NCALD: variants seen among roughly 807,000 people sequenced by gnomAD.
The protein encoded by NCALD is neurocalcin delta.
A neutral mutation model predicts 18.6 loss-of-function variants in NCALD; 10 were observed. The ratio of observed to expected loss-of-function variants is 0.54; its 90% confidence interval spans 0.33 to 0.91. The LOEUF (loss-of-function observed/expected upper bound fraction) is 0.91. NCALD is among the 40% of genes least tolerant of loss of function. The pLI is 0.03. For missense variants in NCALD, 184 were observed against 247.6 expected, an observed-to-expected ratio of 0.74 and a Z score of 1.72; for synonymous variants, 88 against 87.4, an observed-to-expected ratio of 1.01 and a Z score of -0.04.
At position 101,942,239 on chromosome 8, in the gene NCALD, G is replaced by C. The variant is rs142370660; in HGVS notation, c.-156-26381C>G. On this transcript the variant is annotated intron_variant, in intron 2 of 6. Transcript: ENST00000311028. The stretch of plus-strand genomic sequence containing the variant: ...ACAATGAGGAGAGGCAGATGCACTG[G>C]AAGAGTCTTAACCCGTCTGCTGCTG... Among the ~76,000 whole-genome samples, 600 of 152,248 alleles carry C rather than the reference G, an allele frequency of 3.9e-3. 1 individual carries two copies. Among genetic ancestry groups the C allele is most frequent in the Non-Finnish European group, 6.6e-3 (451 of 68,018 alleles).
chr8:102,009,974 G>A (rs4734611), intron 2 of NCALD, among the ~76,000 whole-genome samples: 94,765 of 152,120 alleles, frequency 0.62, 30,905 homozygotes, highest in African/African-American at 0.81. Flanking sequence ...CAGTACTGGG[G>A]AGCACTTGGG....
intron 4 of NCALD, chr8:101,852,784 T>G (rs1161266491): frequency 6.6e-6 from 1 of 152,316 alleles, no homozygotes; most frequent in East Asian, 1.9e-4. Flanking sequence ...GTGCCTAGTC[T>G]AAACAGCTGC....
chr8:101,945,064 G>A (rs1819114807), intron 2 of NCALD, among the ~76,000 whole-genome samples: 1 of 152,234 alleles, frequency 6.6e-6, no homozygotes, highest in Non-Finnish European at 1.5e-5. Context: ...CGTGACATCT[G>A]TTAAGAGGCC....
intron 4 of NCALD, among the ~76,000 whole-genome samples, chr8:101,800,485 TAGAA>T (rs1005055327): frequency 6.6e-6 from 1 of 151,596 alleles, no homozygotes; most frequent in Non-Finnish European, 1.5e-5. Context: ...TAAATAATAA[TAGAA>T]AGAAATGGTA....
chr8:102,123,511 C>A (rs1362238896), intron 1 of NCALD, among the ~76,000 whole-genome samples: 2 of 151,978 alleles, frequency 1.3e-5, no homozygotes, highest in Admixed American at 6.6e-5. Context: ...AGACCTCCTG[C>A]CCCTCCCGGG....
At chr8:102,011,532 G>A (rs1821903341) in intron 2 of NCALD, among the ~76,000 whole-genome samples, 1 of 152,142 alleles carries the variant, frequency 6.6e-6, no homozygotes, top group Non-Finnish European at 1.5e-5. Context: ...ATAAATCTTT[G>A]ATGCAATGAA....
At chr8:101,784,086 C>A (rs1812123724) in intron 1 of NCALD, among the ~76,000 whole-genome samples, 1 of 152,118 alleles carries the variant, frequency 6.6e-6, no homozygotes, top group South Asian at 2.1e-4. Context: ...CATGAAACTG[C>A]AACCTGGGGC....
At chr8:101,939,497 C>A (rs1818878441) in intron 2 of NCALD, among the ~76,000 whole-genome samples, 1 of 152,150 alleles carries the variant, frequency 6.6e-6, no homozygotes, top group African/African-American at 2.4e-5. Flanking sequence ...TTAATTCTTT[C>A]TCTTTATCTG....
chr8:101,985,147 C>T (rs1159636261), intron 2 of NCALD, among the ~76,000 whole-genome samples: 3 of 152,184 alleles, frequency 2.0e-5, no homozygotes, highest in Non-Finnish European at 2.9e-5. Context: ...CGCCATGCTG[C>T]GTGGAAGCCA....
chr8:101,784,931 C>T (rs1812163222), intron 1 of NCALD, among the ~76,000 whole-genome samples: 1 of 151,810 alleles, frequency 6.6e-6, no homozygotes, highest in South Asian at 2.1e-4. Flanking sequence ...ACATCATTGA[C>T]AACAAAACCA....
chr8:101,902,474 G>C (rs1359776615), intron 3 of NCALD, among the ~76,000 whole-genome samples: 3 of 152,142 alleles, frequency 2.0e-5, no homozygotes, highest in Non-Finnish European at 4.4e-5. Flanking sequence ...ATTTGGACTG[G>C]TCCTGCTCCT....
At chr8:101,978,825 G>A (rs938165008) in intron 2 of NCALD, among the ~76,000 whole-genome samples, 13 of 152,312 alleles carry the variant, frequency 8.5e-5, no homozygotes, top group African/African-American at 3.1e-4. Flanking sequence ...AGCAAGAAAC[G>A]AAGAAAGGAA....
chr8:101,949,774 A>AT (rs1819318380), intron 2 of NCALD, among the ~76,000 whole-genome samples: 1 of 104,080 alleles, frequency 9.6e-6, no homozygotes, highest in Non-Finnish European at 2.1e-5. Context: ...CCAGGTTGAG[A>AT]CAAAAAAAAA....
At chr8:101,715,441 A>T (rs199577402) in intron 2 of NCALD, among the ~76,000 whole-genome samples, 4,179 of 152,288 alleles carry the variant, frequency 0.027, 148 homozygotes, top group African/African-American at 0.083. Flanking sequence ...TGACTAAAAC[A>T]CCAAAAGCAA....
intron 1 of NCALD, among the ~76,000 whole-genome samples, chr8:102,094,055 T>A (rs1219375948): frequency 1.3e-5 from 2 of 152,164 alleles, no homozygotes. Flanking sequence ...TGATGGACAT[T>A]TCACCACCCC....
intron 1 of NCALD, among the ~76,000 whole-genome samples, chr8:101,782,073 ATTG>A (rs1373792454): frequency 1.8e-4 from 4 of 22,166 alleles, no homozygotes; most frequent in Non-Finnish European, 7.7e-4. Context: ...GTATATATAT[ATTG>A]TATGTTTTAT....
intron 2 of NCALD, among the ~76,000 whole-genome samples, chr8:101,945,135 GA>G: frequency 6.6e-6 from 1 of 152,186 alleles, no homozygotes; most frequent in Non-Finnish European, 1.5e-5. Flanking sequence ...ACTCTCTGGA[GA>G]GCCTCAGTAA....
chr8:101,895,362 T>C (rs955788090), intron 3 of NCALD, among the ~76,000 whole-genome samples: 3 of 142,774 alleles, frequency 2.1e-5, no homozygotes, highest in Non-Finnish European at 3.0e-5. Flanking sequence ...TGGGACATAT[T>C]TCAAAATAAT....
intron 2 of NCALD, among the ~76,000 whole-genome samples, chr8:101,956,619 C>G (rs1157651697): frequency 1.3e-5 from 2 of 150,654 alleles, no homozygotes; most frequent in African/African-American, 2.4e-5. Flanking sequence ...GAGACAGACA[C>G]AGAGAGAGAG....
Sources: gnomAD v4.1 joint callset for allele counts (sites outside exome capture counted in the v4.1 genomes callset) on GRCh38, gnomAD v4.1.1 for gene constraint, MANE v1.5 for transcripts, NCBI Gene and HGNC (gene_info 2026-07-23, HGNC 2026-07-21) for gene names.